Variants in ZW10 observed in about 807,000 individuals in gnomAD.
The protein encoded by ZW10 is zw10 kinetochore protein, also known as centromere/kinetochore protein zw10 homolog.
Under a neutral mutation model 87.8 loss-of-function variants are expected in ZW10, and 53 were observed. The ratio of observed to expected loss-of-function variants is 0.60; its 90% CI spans 0.48 to 0.76. ZW10 has a LOEUF of 0.76. Among genes scored for constraint, ZW10 ranks in the 30% least tolerant of loss-of-function variants. ZW10 has a pLI of 0.00. For synonymous variants in ZW10, 312 were observed against 329.2 expected (o/e 0.95, Z 0.57); for missense variants, 837 against 923.0 (o/e 0.91, Z 1.21).
intron 7 of ZW10, among the ~76,000 whole-genome samples, chr11:113,755,827 C>T (rs1054680825): frequency 1.3e-5 from 2 of 152,170 alleles, no homozygotes; most frequent in African/African-American, 4.8e-5. Context: ...TGAGGCAAGA[C>T]CCTTCACCAA....
At chr11:113,745,470 T>C (rs889111032) in intron 9 of ZW10, among the ~76,000 whole-genome samples, 5 of 152,160 alleles carry the variant, frequency 3.3e-5, no homozygotes, top group Admixed American at 6.5e-5. Flanking sequence ...ATCTGTAAAA[T>C]GGTATAATAA....
At chr11:113,763,250 T>C (rs981762817) in intron 2 of ZW10, among the ~76,000 whole-genome samples, 2 of 152,254 alleles carry the variant, frequency 1.3e-5, no homozygotes, top group African/African-American at 4.8e-5. Flanking sequence ...CCACATTTTC[T>C]TTATCCAGTC....
intron 5 of ZW10, among the ~76,000 whole-genome samples, chr11:113,759,070 G>A (rs1953830220): frequency 6.6e-6 from 1 of 152,160 alleles, no homozygotes; most frequent in Admixed American, 6.6e-5. Context: ...AGCTACTGGG[G>A]GCAGGGTGGG....
At position 113,758,657 on chromosome 11, in the gene ZW10, A is replaced by G; in HGVS notation, c.630T>C (p.Thr210=). The G allele has an allele frequency of 1.9e-6, 3 of 1,614,156 alleles. No homozygotes were observed. The highest frequency in any genetic ancestry group is 2.5e-6 in the Non-Finnish European group (3 of 1,180,014). Residue 210 remains threonine, a synonymous_variant, in exon 6 of 16, where the codon ACT becomes ACC. Coordinates refer to ENST00000200135, the MANE Select transcript of ZW10 (RefSeq NM_004724.4). ...SYLQTELHLY[T]EQSHKEEKTP... Reference sequence around the variant, plus strand: ...TCTTCTCCTCTTTGTGCGATTGTTCAGTGTATAAATGAAGTTCAGTTTGTA... The same window carrying G: ...TCTTCTCCTCTTTGTGCGATTGTTCGGTGTATAAATGAAGTTCAGTTTGTA...
chr11:113,758,066 G>A (rs1175189981), intron 6 of ZW10, among the ~76,000 whole-genome samples: 2 of 151,990 alleles, frequency 1.3e-5, no homozygotes, highest in African/African-American at 2.4e-5. Flanking sequence ...CCAGCTACTC[G>A]GGAGGCTGAG....
At chr11:113,764,462 C>A (rs1326686101) in intron 2 of ZW10, among the ~76,000 whole-genome samples, 1 of 152,132 alleles carries the variant, frequency 6.6e-6, no homozygotes, top group Admixed American at 6.6e-5. Flanking sequence ...TTTCATGATA[C>A]TGATTCTTCC....
At chr11:113,748,154 T>G in intron 8 of ZW10, 103 bp downstream of exon 8, 1 of 1,091,388 alleles carries the variant, frequency 9.2e-7, no homozygotes, top group Non-Finnish European at 1.3e-6. Flanking sequence ...AATAATTTAC[T>G]TAAAGGTATA....
intron 8 of ZW10, among the ~76,000 whole-genome samples, chr11:113,748,019 A>G (rs74978919): frequency 0.012 from 1,873 of 152,358 alleles, 44 homozygotes; most frequent in African/African-American, 0.043. Context: ...TAGCTATTAT[A>G]GCTGATATAA....
intron 10 of ZW10, among the ~76,000 whole-genome samples, chr11:113,742,930 G>C (rs1112642): frequency 3.6e-3 from 543 of 152,278 alleles, no homozygotes; most frequent in African/African-American, 0.013. Context: ...CAATTTGATT[G>C]GGCCAAACCC....
intron 9 of ZW10, among the ~76,000 whole-genome samples, chr11:113,746,495 C>CAAAAAAAAAAAAAAAAAAAAAAACA (rs566009326): frequency 9.5e-6 from 1 of 105,340 alleles, no homozygotes; most frequent in African/African-American, 3.9e-5. Context: ...ACAAAACAGT[C>CAAAAAAAAAAAAAAAAAAAAAAACA]AAAAAAAAAA....
chr11:113,741,016 A>G (rs17541000), intron 11 of ZW10, among the ~76,000 whole-genome samples: 11,598 of 152,282 alleles, frequency 0.076, 603 homozygotes, highest in Non-Finnish European at 0.11. Flanking sequence ...TAAAACTAAT[A>G]AGGTTCACAA....
chr11:113,773,658 C>G lies in ZW10; in HGVS notation c.9G>C (p.Ser3=). The G allele has an allele frequency of 1.9e-6, 3 of 1,613,202 alleles. No homozygotes were observed. The highest frequency in any genetic ancestry group is 2.2e-5 in the East Asian group (1 of 44,706). Residue 3 remains serine, a synonymous_variant, in exon 1 of 16, where the codon TCG becomes TCC. Transcript: ENST00000200135. ...AGTGTGCCAAAACTTCTGTCACGAA[C>G]GAGGCCATGGCCAAGACGGGAACCA... The part of the protein sequence containing the change: MA[S]FVTEVLAHSG...
At chr11:113,758,035 G>A (rs1953812190) in intron 6 of ZW10, among the ~76,000 whole-genome samples, 182 bp from the exon 7 acceptor site, 1 of 152,076 alleles carries the variant, frequency 6.6e-6, no homozygotes, top group African/African-American at 2.4e-5. Context: ...AGCTGGGCAT[G>A]GTGGCAGGCA....
At chr11:113,742,552 G>A (rs982496880) in intron 10 of ZW10, among the ~76,000 whole-genome samples, 1 of 152,156 alleles carries the variant, frequency 6.6e-6, no homozygotes, top group African/African-American at 2.4e-5. Context: ...TTGTAGCTGT[G>A]GTTTTGTTTG....
At chr11:113,737,965 C>T (rs1953571791) in intron 13 of ZW10, among the ~76,000 whole-genome samples, 1 of 151,924 alleles carries the variant, frequency 6.6e-6, no homozygotes, top group African/African-American at 2.4e-5. Flanking sequence ...AGATAAAAGC[C>T]AATATTTCAA....
At chr11:113,767,580 T>A (rs909745964) in intron 2 of ZW10, among the ~76,000 whole-genome samples, 3 of 152,154 alleles carry the variant, frequency 2.0e-5, no homozygotes, top group African/African-American at 7.2e-5. Context: ...CTGAACATTT[T>A]AACTGCCTTC....
At chr11:113,736,570 C>G (rs1277984627) in intron 15 of ZW10, 50 bp downstream of exon 15, 5 of 1,589,244 alleles carry the variant, frequency 3.1e-6, no homozygotes, top group Non-Finnish European at 8.6e-7. Context: ...CACTATTACT[C>G]TCTTGTAGCT....
At position 113,754,785 on chromosome 11, in the gene ZW10, G is replaced by A. The variant is rs560005155; in HGVS notation, c.925+2877C>T. ...TTTTTATTTTTTTAGTAGAGGCCAGGTATCGCTATGTTACCCAGGCCAGGT... is the reference window on the plus strand; with the variant it reads ...TTTTTATTTTTTTAGTAGAGGCCAGATATCGCTATGTTACCCAGGCCAGGT... On this transcript the variant is annotated intron_variant, in intron 7 of 15. Coordinates refer to ENST00000200135, the MANE Select transcript of ZW10 (RefSeq NM_004724.4). 2.0e-5 allele frequency among the ~76,000 whole-genome samples: 3 copies of A among 151,960 alleles called. No homozygotes were observed. The South Asian group carries it at 6.2e-4, about 32-fold the overall frequency.
intron 15 of ZW10, among the ~76,000 whole-genome samples, chr11:113,734,155 A>T (rs757655028): frequency 6.6e-6 from 1 of 152,224 alleles, no homozygotes; most frequent in Non-Finnish European, 1.5e-5. Flanking sequence ...ACAGGCAACC[A>T]ATTTTAACTG....
Sources: allele counts gnomAD v4.1 joint callset (sites outside exome capture counted in the v4.1 genomes callset), GRCh38; gene constraint gnomAD v4.1.1; transcripts MANE v1.5; gene names NCBI Gene and HGNC (gene_info 2026-07-23, HGNC 2026-07-21).